The following CLIP1 variants were observed in gnomAD, a reference collection of about 807,000 sequenced individuals.
The protein encoded by CLIP1 is CAP-Gly domain containing linker protein 1.
CLIP1 carries 66 observed loss-of-function variants against 161.6 expected under a neutral mutation model. The ratio of observed to expected loss-of-function variants is 0.41; its 90% CI spans 0.33 to 0.50. CLIP1 has a LOEUF of 0.50. CLIP1 is among the 20% of genes least tolerant of loss of function. The probability of loss-of-function intolerance (pLI) is 0.27; values close to 1 mark genes in which losing one functional copy is unlikely to be tolerated. For missense variants in CLIP1, 1,376 were observed against 1,702.0 expected, an observed-to-expected ratio of 0.81 and a Z score of 3.37; for synonymous variants, 598 against 626.2, an observed-to-expected ratio of 0.96 and a Z score of 0.67.
intron 21 of CLIP1, among the ~76,000 whole-genome samples, chr12:122,284,845 T>A (rs1955787078): frequency 6.6e-6 from 1 of 152,222 alleles, no homozygotes; most frequent in Non-Finnish European, 1.5e-5. Flanking sequence ...ATAAAAAATC[T>A]GATGATCTGA....
chr12:122,289,083 T>C (rs893227166), intron 20 of CLIP1, among the ~76,000 whole-genome samples: 1 of 150,978 alleles, frequency 6.6e-6, no homozygotes, highest in Non-Finnish European at 1.5e-5. Flanking sequence ...CCCAAAGTGC[T>C]GGGATTACAG....
intron 5 of CLIP1, among the ~76,000 whole-genome samples, chr12:122,356,899 C>T (rs913845396): frequency 2.6e-5 from 4 of 152,246 alleles, no homozygotes; most frequent in African/African-American, 4.8e-5. Flanking sequence ...CTCGGCCTCC[C>T]GAGGTGCCGA....
chr12:122,307,502 C>T (rs1845188743), intron 20 of CLIP1, among the ~76,000 whole-genome samples: 1 of 152,144 alleles, frequency 6.6e-6, no homozygotes, highest in Non-Finnish European at 1.5e-5. Flanking sequence ...CTAGTCTCCA[C>T]TGTCTCGATT....
intron 3 of CLIP1, among the ~76,000 whole-genome samples, 186 bp downstream of exon 3, chr12:122,377,203 T>C (rs1954780968): frequency 6.6e-6 from 1 of 151,804 alleles, no homozygotes; most frequent in Admixed American, 6.6e-5. Context: ...AGAGACAGGG[T>C]TTCACCATCT....
In CLIP1 at chr12:122,352,799, A is replaced by G; in HGVS notation, c.1308-13T>C. The G allele has an allele frequency of 6.2e-7, 1 of 1,610,644 alleles. No homozygotes were observed. Among genetic ancestry groups the G allele is most frequent in the South Asian group, 1.1e-5 (1 of 91,020 alleles). On this transcript the variant is annotated splice_polypyrimidine_tract_variant and intron_variant, in intron 7 of 25. Coordinates refer to ENST00000620786, the MANE Select transcript of CLIP1 (RefSeq NM_001247997.2). ...GTCCTCAACCTTCCTGTGGAATAAAACCCAAACAAAACACTTAAGAAACTA... is the reference window on the plus strand; with the variant it reads ...GTCCTCAACCTTCCTGTGGAATAAAGCCCAAACAAAACACTTAAGAAACTA...
intron 17 of CLIP1, among the ~76,000 whole-genome samples, chr12:122,324,732 C>G (rs1479147169): frequency 1.3e-5 from 2 of 151,976 alleles, no homozygotes; most frequent in Admixed American, 1.3e-4. Flanking sequence ...ACTTTGAAAG[C>G]AGAAAGGATT....
intron 15 of CLIP1, among the ~76,000 whole-genome samples, chr12:122,330,972 C>T (rs556910541): frequency 1.2e-4 from 19 of 152,008 alleles, no homozygotes; most frequent in African/African-American, 4.1e-4. Context: ...CAGGCTTCAC[C>T]CCAGTAAGCC....
intron 7 of CLIP1, among the ~76,000 whole-genome samples, chr12:122,353,250 G>A (rs1210985411): frequency 1.3e-5 from 2 of 152,196 alleles, no homozygotes; most frequent in Non-Finnish European, 1.5e-5. Context: ...GCTGAGGTGG[G>A]AGGATTGCTT....
At chr12:122,286,700 T>TA (rs894158963) in intron 21 of CLIP1, among the ~76,000 whole-genome samples, 9 of 150,974 alleles carry the variant, frequency 6.0e-5, no homozygotes, top group East Asian at 2.0e-4. Context: ...CTTGTCACTA[T>TA]AAAAAAAAAT....
Position 122,377,458 on chromosome 12 carries a change from G to A in CLIP1, c.588C>T (p.Ile196=), listed in dbSNP as rs1010774251. 1.1e-5 allele frequency: 17 copies of A among 1,614,124 alleles called. No individual in the cohort carries two copies. Among genetic ancestry groups the A allele is most frequent in the Non-Finnish European group, 1.4e-5 (17 of 1,180,040 alleles). The change falls in exon 3 of 26, where the codon ATC becomes ATT. Residue 196 remains isoleucine, a synonymous_variant. Transcript: ENST00000620786. ...SNLTKTASES[I]SNLSEAGSIK... ...TTGAGCCAGCCTCTGAAAGGTTGGA[G>A]ATAGATTCACTGGCAGTTTTTGTAA... is the stretch of plus-strand genomic sequence containing the variant.
intron 3 of CLIP1, among the ~76,000 whole-genome samples, chr12:122,369,074 A>G (rs1954306779): frequency 6.6e-6 from 1 of 150,846 alleles, no homozygotes; most frequent in South Asian, 2.1e-4. Flanking sequence ...GCTGGAGTGC[A>G]GTGGCATGAT....
intron 5 of CLIP1, among the ~76,000 whole-genome samples, chr12:122,360,410 CAAAAAAAAAA>C (rs34294939): frequency 1.1e-5 from 1 of 87,362 alleles, no homozygotes. Flanking sequence ...CCTCTCTCTA[CAAAAAAAAAA>C]AAAAAAAAAA....
At chr12:122,317,242 AC>A (rs1951306981) in intron 18 of CLIP1, among the ~76,000 whole-genome samples, 1 of 152,194 alleles carries the variant, frequency 6.6e-6, no homozygotes, top group Admixed American at 6.5e-5. Flanking sequence ...ATGAAAAGAA[AC>A]CCTTTTCTTT....
At chr12:122,287,180 A>C (rs1955893381) in intron 21 of CLIP1, among the ~76,000 whole-genome samples, 1 of 152,174 alleles carries the variant, frequency 6.6e-6, no homozygotes, top group Non-Finnish European at 1.5e-5. Flanking sequence ...TCTGAAAAAA[A>C]TAAATTAAAA....
rs1190669471 is a variant in CLIP1 at position 122,380,516 on chromosome 12, T to C, written c.-64A>G. On this transcript the variant is annotated 5_prime_UTR_variant, in exon 2 of 26. Transcript: ENST00000620786. ...GCCACTATCTTTCCCCAACCATTGA[T>C]ACAACTGTGGGTTCTATAGTGAAGT... 1 of 1,013,836 alleles carries C rather than the reference T, an allele frequency of 9.9e-7. No homozygotes were observed. The highest frequency in any genetic ancestry group is 1.6e-5 in the African/African-American group (1 of 62,148). 62.8% of individuals were successfully genotyped at this position (1,013,836 alleles called of 1,614,324 possible).
chr12:122,340,651 A>T, intron 11 of CLIP1, 102 bp downstream of exon 11: 1 of 942,870 alleles, frequency 1.1e-6, no homozygotes, highest in Non-Finnish European at 1.6e-6. Context: ...AATTTAATTA[A>T]ATCAGCAATT....
intron 4 of CLIP1, among the ~76,000 whole-genome samples, chr12:122,363,670 T>C (rs1436118675): frequency 1.3e-5 from 2 of 151,780 alleles, no homozygotes; most frequent in Non-Finnish European, 2.9e-5. Context: ...CGCCCAGGTA[T>C]TCTTTCAGAA....
rs11448068 is a variant in CLIP1 at position 122,352,058 on chromosome 12, C to CTT, written c.1368+666_1368+667dup. Among the ~76,000 whole-genome samples the CTT allele has an allele frequency of 3.4e-3, 465 of 137,360 alleles. 7 individuals are homozygous for CTT. Among genetic ancestry groups the CTT allele is most frequent in the Non-Finnish European group, 4.8e-3 (312 of 64,410 alleles). The allele number at this position is 137,360 out of a possible 152,430, so 90.1% of individuals were successfully genotyped here. A position where few individuals can be genotyped will look rare whatever the true frequency, so the allele number is the denominator to read the frequency against. ...ATAAAGCAAAAAACTTTGTTGTGGACTTTTTTTTTTTTTTTTGGAGACAAA... is the reference window on the plus strand; with the variant it reads ...ATAAAGCAAAAAACTTTGTTGTGGACTTTTTTTTTTTTTTTTTTGGAGACAAA... On this transcript the variant is annotated intron_variant, in intron 8 of 25. Transcript: ENST00000620786.
At chr12:122,419,312 T>C (rs1221061534) in intron 1 of CLIP1, among the ~76,000 whole-genome samples, 1 of 150,376 alleles carries the variant, frequency 6.6e-6, no homozygotes, top group Non-Finnish European at 1.5e-5. Flanking sequence ...AAGGTTGCAG[T>C]GAACCAAAAT....
Sources: allele counts gnomAD v4.1 joint callset (sites outside exome capture counted in the v4.1 genomes callset), GRCh38; gene constraint gnomAD v4.1.1; transcripts MANE v1.5; gene names NCBI Gene and HGNC (gene_info 2026-07-23, HGNC 2026-07-21).